HPSE2: variants seen among roughly 807,000 people sequenced by gnomAD.
HPSE2 encodes inactive heparanase-2.
In HPSE2, 38 loss-of-function variants were observed where a neutral mutation model predicts 60.5. The ratio of observed to expected loss-of-function variants is 0.63; its 90% CI spans 0.48 to 0.82. The LOEUF (loss-of-function observed/expected upper bound fraction) is 0.82, where lower values mean the gene tolerates loss of function less well. HPSE2 is among the 40% of genes least tolerant of loss of function. The probability of loss-of-function intolerance (pLI) is 0.00; values close to 1 mark genes in which losing one functional copy is unlikely to be tolerated. For missense variants in HPSE2, 713 were observed against 740.4 expected, an observed-to-expected ratio of 0.96 and a Z score of 0.43; for synonymous variants, 295 against 293.2, an observed-to-expected ratio of 1.01 and a Z score of -0.06.
At chr10:99,250,729 A>G in the HPSE2 span, among the ~76,000 whole-genome samples, 1 of 152,212 alleles carries the variant, frequency 6.6e-6, no homozygotes, top group Non-Finnish European at 1.5e-5. Context: ...TTACACAAAA[A>G]TTAAACAATT....
intron 9 of HPSE2, among the ~76,000 whole-genome samples, chr10:98,524,290 T>G (rs974928152): frequency 6.6e-6 from 1 of 152,138 alleles, no homozygotes; most frequent in African/African-American, 2.4e-5. Flanking sequence ...TATTAACATA[T>G]AGTGTTGCAA....
intron 9 of HPSE2, among the ~76,000 whole-genome samples, chr10:98,609,874 C>T (rs1461365692): frequency 2.1e-5 from 3 of 141,656 alleles, no homozygotes; most frequent in Non-Finnish European, 4.5e-5. Context: ...CAGAGTCTCA[C>T]TCTGTCGCCC....
intron 9 of HPSE2, among the ~76,000 whole-genome samples, chr10:98,520,784 AACAG>A (rs767486750): frequency 2.2e-4 from 34 of 152,358 alleles, no homozygotes; most frequent in Middle Eastern, 3.4e-3. Flanking sequence ...CTGGTACCAA[AACAG>A]ATGTACAGAC....
chr10:99,082,562 A>G (rs1843182931), intron 3 of HPSE2, among the ~76,000 whole-genome samples: 1 of 152,200 alleles, frequency 6.6e-6, no homozygotes, highest in South Asian at 2.1e-4. Flanking sequence ...ACCCAGCCTC[A>G]GCTACATTGT....
rs149214717 is a variant in HPSE2, at chr10:99,041,555, C to A, written c.610+102683G>T. Among the ~76,000 whole-genome samples, 284 of 152,298 alleles carry A rather than the reference C, an allele frequency of 1.9e-3. 2 individuals are homozygous for A. The highest frequency in any genetic ancestry group is 6.6e-3 in the African/African-American group (275 of 41,558). On this transcript the variant is annotated intron_variant, in intron 3 of 11. Coordinates refer to ENST00000370552, the MANE Select transcript of HPSE2 (RefSeq NM_021828.5). ...ACTACCCACTCAAACCCAGGTTGAG[C>A]CCCACAGGCCTTGGACTCCTGAACA...
At chr10:98,730,737 A>T (rs1052784151) in intron 4 of HPSE2, among the ~76,000 whole-genome samples, 1 of 152,188 alleles carries the variant, frequency 6.6e-6, no homozygotes, top group Non-Finnish European at 1.5e-5. Flanking sequence ...AAAAATGCAG[A>T]AATTATTAAA....
At chr10:98,652,608 G>T (rs948566279) in intron 6 of HPSE2, among the ~76,000 whole-genome samples, 1 of 152,162 alleles carries the variant, frequency 6.6e-6, no homozygotes, top group African/African-American at 2.4e-5. Context: ...TCACTTGAGT[G>T]GCAAACCAAG....
At chr10:98,858,920 GT>G (rs895176628) in intron 3 of HPSE2, among the ~76,000 whole-genome samples, 7 of 151,848 alleles carry the variant, frequency 4.6e-5, no homozygotes, top group African/African-American at 1.7e-4. Flanking sequence ...TATCATCTGT[GT>G]TTTTTTTGTT....
intron 4 of HPSE2, among the ~76,000 whole-genome samples, chr10:98,738,208 C>A (rs1305937912): frequency 2.0e-5 from 3 of 152,062 alleles, no homozygotes; most frequent in African/African-American, 4.8e-5. Flanking sequence ...CTTTGATAAA[C>A]CTGACAAAAA....
intron 3 of HPSE2, among the ~76,000 whole-genome samples, chr10:98,896,631 G>C (rs1281091263): frequency 6.6e-6 from 1 of 151,942 alleles, no homozygotes; most frequent in South Asian, 2.1e-4. Flanking sequence ...AGAAGAAAAA[G>C]AATTAATAAA....
intron 3 of HPSE2, among the ~76,000 whole-genome samples, chr10:98,917,721 G>A (rs1260282017): frequency 6.6e-6 from 1 of 152,234 alleles, no homozygotes; most frequent in African/African-American, 2.4e-5. Context: ...TAAGCTGAAC[G>A]ATGAATGAAT....
chr10:98,469,925 C>G (rs148899933), intron 11 of HPSE2, among the ~76,000 whole-genome samples: 89 of 152,352 alleles, frequency 5.8e-4, no homozygotes, highest in Admixed American at 1.5e-3. Flanking sequence ...TCTCATAATC[C>G]CATCTCCTAT....
At chr10:98,872,063 T>C (rs528103099) in intron 3 of HPSE2, among the ~76,000 whole-genome samples, 5 of 152,250 alleles carry the variant, frequency 3.3e-5, no homozygotes, top group African/African-American at 9.6e-5. Context: ...TTTTCTTCTA[T>C]ATACCACTGT....
intron 6 of HPSE2, among the ~76,000 whole-genome samples, chr10:98,659,401 C>A (rs908886565): frequency 1.3e-5 from 2 of 152,174 alleles, no homozygotes; most frequent in African/African-American, 4.8e-5. Flanking sequence ...GTTTAAGAGT[C>A]AACTATAAAT....
chr10:98,956,808 G>GAAA (rs1955520872), intron 3 of HPSE2, among the ~76,000 whole-genome samples: 1 of 151,930 alleles, frequency 6.6e-6, no homozygotes, highest in East Asian at 1.9e-4. Context: ...AACAAAGAAA[G>GAAA]GAAGGCCTCT....
At chr10:99,046,219 A>G (rs1415004703) in intron 3 of HPSE2, among the ~76,000 whole-genome samples, 1 of 152,220 alleles carries the variant, frequency 6.6e-6, no homozygotes, top group African/African-American at 2.4e-5. Flanking sequence ...TAACAGAATT[A>G]AAAGCAAAAA....
chr10:98,857,798 G>A (rs565230442), intron 3 of HPSE2, among the ~76,000 whole-genome samples: 1 of 152,100 alleles, frequency 6.6e-6, no homozygotes, highest in Non-Finnish European at 1.5e-5. Context: ...CTGAAACAGG[G>A]AATACAGAGT....
At chr10:98,853,858 ATC>A (rs2134746294) in intron 3 of HPSE2, among the ~76,000 whole-genome samples, 1 of 152,290 alleles carries the variant, frequency 6.6e-6, no homozygotes, top group East Asian at 1.9e-4. Flanking sequence ...GGTCCCAACT[ATC>A]TCACATATGA....
chr10:99,058,013 A>G (rs1160514936), intron 3 of HPSE2, among the ~76,000 whole-genome samples: 2 of 152,328 alleles, frequency 1.3e-5, no homozygotes, highest in East Asian at 3.9e-4. Flanking sequence ...ATGTTACTAC[A>G]TTAGCTCATG....
Sources: allele counts gnomAD v4.1 joint callset (sites outside exome capture counted in the v4.1 genomes callset), GRCh38; gene constraint gnomAD v4.1.1; transcripts MANE v1.5; gene names NCBI Gene and HGNC (gene_info 2026-07-23, HGNC 2026-07-21).